The following RYR2 variants were observed in gnomAD, a reference collection of about 807,000 sequenced individuals.
The protein encoded by RYR2 is cardiac muscle ryanodine receptor-calcium release channel.
In RYR2, 227 loss-of-function variants were observed where a neutral mutation model predicts 601.1. The ratio of observed to expected loss-of-function variants is 0.38; its 90% CI spans 0.34 to 0.42. The LOEUF (loss-of-function observed/expected upper bound fraction) is 0.42, where lower values mean the gene tolerates loss of function less well. RYR2 is among the 10% of genes least tolerant of loss of function. RYR2 has a pLI of 1.00. For synonymous variants in RYR2, 2,223 were observed against 2,175.1 expected (o/e 1.02, Z -0.61); for missense variants, 4,646 against 6,156.5 (o/e 0.75, Z 8.21).
chr1:237,698,403 T>G (rs1687681495), intron 63 of RYR2, among the ~76,000 whole-genome samples: 1 of 149,516 alleles, frequency 6.7e-6, no homozygotes, highest in Non-Finnish European at 1.5e-5. Flanking sequence ...TAGTGTCTGA[T>G]TTTTTTTTTA....
intron 10 of RYR2, among the ~76,000 whole-genome samples, chr1:237,415,324 A>G (rs1013085767): frequency 6.6e-6 from 1 of 152,194 alleles, no homozygotes; most frequent in South Asian, 2.1e-4. Context: ...TGCTGTGGAC[A>G]CTGGTTATTG....
intron 9 of RYR2, among the ~76,000 whole-genome samples, chr1:237,387,869 T>G (rs1243640949): frequency 2.0e-5 from 3 of 152,212 alleles, no homozygotes; most frequent in Non-Finnish European, 2.9e-5. Flanking sequence ...GTGTCTGAGG[T>G]CATGCTTTTA....
chr1:237,563,394 A>G (rs1671648672), intron 27 of RYR2, among the ~76,000 whole-genome samples: 1 of 142,656 alleles, frequency 7.0e-6, no homozygotes, highest in Non-Finnish European at 1.5e-5. Flanking sequence ...CTGGGCAACA[A>G]GAGCAAAACT....
In RYR2 at chr1:237,709,483, A is replaced by T; in HGVS notation, c.10146A>T (p.Ala3382=). The change falls in exon 70 of 105, where the codon GCA becomes GCT. Residue 3382 remains alanine, a synonymous_variant. Transcript: ENST00000366574. ...CTTTATTTATTATGTGATCCAGGGCAAAGTGGCTAAAGGAGCCTAACCCAG... is the reference window on the plus strand; with the variant it reads ...CTTTATTTATTATGTGATCCAGGGCTAAGTGGCTAAAGGAGCCTAACCCAG... The part of the protein sequence containing the change: ...LLIRFVDYNR[A]KWLKEPNPEA... 1 of 1,604,880 alleles carries T rather than the reference A, an allele frequency of 6.2e-7. No individual in the cohort carries two copies. Among genetic ancestry groups the T allele is most frequent in the Admixed American group, 1.7e-5 (1 of 59,794 alleles).
intron 1 of RYR2, among the ~76,000 whole-genome samples, chr1:237,123,816 C>T (rs548653517): frequency 1.1e-3 from 164 of 151,726 alleles, no homozygotes; most frequent in Admixed American, 1.8e-3. Context: ...TACAGGTGCC[C>T]GCCACCGCGC....
At chr1:237,667,312 T>G (rs1684414090) in intron 57 of RYR2, among the ~76,000 whole-genome samples, 1 of 152,232 alleles carries the variant, frequency 6.6e-6, no homozygotes, top group Non-Finnish European at 1.5e-5. Context: ...TTAAATTGTT[T>G]GGTTTGCCAT....
intron 29 of RYR2, among the ~76,000 whole-genome samples, chr1:237,579,312 A>T (rs1320694226): frequency 7.9e-6 from 1 of 127,212 alleles, no homozygotes; most frequent in African/African-American, 3.0e-5. Context: ...GCTGGACTGC[A>T]GTGGCGTGAT....
chr1:237,674,658 TAC>T (rs1278234759), intron 59 of RYR2, 71 bp from the exon 60 acceptor site: 19 of 752,776 alleles, frequency 2.5e-5, no homozygotes, highest in Non-Finnish European at 3.8e-5. Flanking sequence ...CATATATATA[TAC>T]ACACACACAA....
chr1:237,108,332 A>G (rs2485579), intron 1 of RYR2, among the ~76,000 whole-genome samples: 101,090 of 152,068 alleles, frequency 0.66, 39,823 homozygotes, highest in Non-Finnish European at 0.85. Context: ...GAATTGAGAC[A>G]AAAACAATGA....
chr1:237,237,806 A>G lies in RYR2; in HGVS notation c.49-32691A>G, dbSNP rs551892886. On this transcript the variant is annotated intron_variant, in intron 1 of 104. Transcript: ENST00000366574. ...TTAGGACTAATAAGAGACATTTACC[A>G]TCTGTTATCTCTGAAACTTGCTACC... 2.0e-5 allele frequency among the ~76,000 whole-genome samples: 3 copies of G among 152,090 alleles called. No homozygotes were observed. In the South Asian group the frequency reaches 6.2e-4, roughly 32 times the overall value.
At chr1:237,769,369 A>G (rs1272103124) in intron 84 of RYR2, among the ~76,000 whole-genome samples, 1 of 152,138 alleles carries the variant, frequency 6.6e-6, no homozygotes, top group Non-Finnish European at 1.5e-5. Context: ...TGAGGAATGG[A>G]CTTATCAGCC....
chr1:237,623,916 A>G, intron 39 of RYR2, 46 bp downstream of exon 39: 2 of 1,247,420 alleles, frequency 1.6e-6, no homozygotes, highest in Non-Finnish European at 2.4e-6. Flanking sequence ...TATGTTTTTA[A>G]TCCATATATC....
rs77686603 is a variant in RYR2, at chr1:237,162,791, T to C, written c.49-107706T>C. Among the ~76,000 whole-genome samples, 249 of 152,156 alleles carry C rather than the reference T, an allele frequency of 1.6e-3. 2 individuals are homozygous for C. The highest frequency in any genetic ancestry group is 2.4e-3 in the Admixed American group (37 of 15,278). On this transcript the variant is annotated intron_variant, in intron 1 of 104. Coordinates refer to ENST00000366574, the MANE Select transcript of RYR2 (RefSeq NM_001035.3). ...AAGTAGAGAAACAATTTCCATAGGA[T>C]AGGGTTTTGTGGGCTGGAAAGATAA...
At chr1:237,231,042 G>C (rs528859388) in intron 1 of RYR2, among the ~76,000 whole-genome samples, 7 of 150,714 alleles carry the variant, frequency 4.6e-5, no homozygotes, top group Non-Finnish European at 7.4e-5. Context: ...CATGATTTTA[G>C]CATGGAGTGA....
intron 1 of RYR2, among the ~76,000 whole-genome samples, chr1:237,071,692 T>G (rs1664351128): frequency 6.6e-6 from 1 of 152,116 alleles, no homozygotes; most frequent in African/African-American, 2.4e-5. Flanking sequence ...GGCTTGAAGG[T>G]GAGGCTTCAC....
Position 237,589,920 on chromosome 1 carries a change from T to C in RYR2, c.3726T>C (p.Asn1242=). The C allele has an allele frequency of 6.2e-7, 1 of 1,613,970 alleles. No homozygotes were observed. The highest frequency in any genetic ancestry group is 2.2e-5 in the East Asian group (1 of 44,838). The part of the protein sequence containing the change: ...LQEGYEPFAV[N]TNRDITMWLS... ...AGGGCTATGAACCATTTGCCGTTAA[T>C]ACAAACAGGGATATTACCATGTGGC... The change falls in exon 30 of 105, where the codon AAT becomes AAC. Residue 1242 remains asparagine, a synonymous_variant. Transcript: ENST00000366574.
rs1658526567 is a variant in RYR2, at chr1:237,792,382, C to CGCGT, written c.13782+60_13782+61insCGTG. 28 of 667,136 alleles carry CGCGT rather than the reference C, an allele frequency of 4.2e-5. 3 individuals are homozygous for CGCGT. The South Asian group carries it at 5.1e-4, about 12-fold the overall frequency. 41.3% of individuals were successfully genotyped at this position (667,136 alleles called of 1,614,324 possible). On this transcript the variant is annotated intron_variant, in intron 94 of 104. Coordinates refer to ENST00000366574, the MANE Select transcript of RYR2 (RefSeq NM_001035.3). The stretch of plus-strand genomic sequence containing the variant: ...GTGTGTGTGTGTGTGTGTGTGTGTG[C>CGCGT]GTGTGTGTGTGTGTGCGTGTGTGTG...
At chr1:237,208,793 A>G (rs1420434488) in intron 1 of RYR2, among the ~76,000 whole-genome samples, 1 of 151,564 alleles carries the variant, frequency 6.6e-6, no homozygotes, top group African/African-American at 2.4e-5. Context: ...GACCCACCCT[A>G]CTGTACATTA....
At chr1:237,322,545 A>AT (rs1270299675) in intron 2 of RYR2, among the ~76,000 whole-genome samples, 13 of 152,180 alleles carry the variant, frequency 8.5e-5, no homozygotes, top group Non-Finnish European at 1.8e-4. Context: ...GAAACCTATG[A>AT]ATGGATTCTA....
Sources: allele counts gnomAD v4.1 joint callset (sites outside exome capture counted in the v4.1 genomes callset), GRCh38; gene constraint gnomAD v4.1.1; transcripts MANE v1.5; gene names NCBI Gene and HGNC (gene_info 2026-07-23, HGNC 2026-07-21).